SLC28A2: variants seen among roughly 807,000 people sequenced by gnomAD.
SLC28A2 encodes solute carrier family 28 member 2.
In SLC28A2, 69 loss-of-function variants were observed where a neutral mutation model predicts 72.9. The observed-to-expected ratio is 0.95, with a 90% CI of 0.78 to 1.16. SLC28A2 has a LOEUF of 1.16. SLC28A2 is among the 50% of genes most tolerant of loss of function. SLC28A2 has a pLI of 0.00. For missense variants in SLC28A2, 745 were observed against 791.1 expected, an observed-to-expected ratio of 0.94 and a Z score of 0.70; for synonymous variants, 296 against 294.1, an observed-to-expected ratio of 1.01 and a Z score of -0.07.
At chr15:45,272,184 C>G (rs1660475831) in intron 15 of SLC28A2, 111 bp from the exon 16 acceptor site, 1 of 782,648 alleles carries the variant, frequency 1.3e-6, no homozygotes, top group Admixed American at 2.2e-5. Context: ...TAAGGATGCT[C>G]TTCATCGGCT....
intron 4 of SLC28A2, among the ~76,000 whole-genome samples, 188 bp from the exon 5 acceptor site, chr15:45,262,872 CT>C (rs1464908154): frequency 1.3e-5 from 2 of 152,166 alleles, no homozygotes; most frequent in African/African-American, 4.8e-5. Context: ...CTTGGGGATC[CT>C]CAAGAAGAGG....
chr15:45,273,766 G>A (rs1327638774), intron 17 of SLC28A2, among the ~76,000 whole-genome samples: 1 of 152,160 alleles, frequency 6.6e-6, no homozygotes, highest in Non-Finnish European at 1.5e-5. Flanking sequence ...GAATCAATAG[G>A]ATTGATCATT....
At chr15:45,268,589 T>C (rs113651161) in intron 13 of SLC28A2, among the ~76,000 whole-genome samples, 13,789 of 152,076 alleles carry the variant, frequency 0.091, 2,003 homozygotes, top group African/African-American at 0.31. Flanking sequence ...CTAGTTCAAC[T>C]ATTGTGGAAG....
chr15:45,272,992 T>C (rs1900633795), intron 17 of SLC28A2, among the ~76,000 whole-genome samples: 2 of 152,118 alleles, frequency 1.3e-5, no homozygotes, highest in South Asian at 2.1e-4. Context: ...TACTGAGAAG[T>C]AGAGCAGCAA....
At position 45,264,702 on chromosome 15, in the gene SLC28A2, T is replaced by C. The variant is rs1313173755; in HGVS notation, c.636T>C (p.Phe212=). The C allele has an allele frequency of 1.2e-6, 2 of 1,613,932 alleles. No homozygotes were observed. Among genetic ancestry groups the C allele is most frequent in the Non-Finnish European group, 8.5e-7 (1 of 1,179,896 alleles). ...VFSGLGLQFV[F]GILVIRTDLG... Reference sequence around the variant, plus strand: ...CGGGCCTAGGTCTTCAATTTGTCTTTGGGATCTTGGTCATCAGAACTGATC... The same window carrying C: ...CGGGCCTAGGTCTTCAATTTGTCTTCGGGATCTTGGTCATCAGAACTGATC... Residue 212 remains phenylalanine, a synonymous_variant, in exon 7 of 18, where the codon TTT becomes TTC. Transcript: ENST00000347644.
Position 45,253,285 on chromosome 15 carries a change from C to T in SLC28A2, c.70C>T (p.Leu24=). The T allele has an allele frequency of 6.2e-7, 1 of 1,612,370 alleles. No homozygotes were observed. The highest frequency in any genetic ancestry group is 8.5e-7 in the Non-Finnish European group (1 of 1,178,404). ...TVETGTVNPG[L]ELMEKEVEPE... ...GGAGACTGGCACAGTGAACCCGGGG[C>T]TGGAGCTCATGGTAATCACCAGTTT... Residue 24 remains leucine, a synonymous_variant, in exon 2 of 18, where the codon CTG becomes TTG. Transcript: ENST00000347644.
At position 45,263,111 on chromosome 15, in the gene SLC28A2, C is replaced by T; in HGVS notation, c.313C>T (p.Leu105=). The T allele has an allele frequency of 5.6e-6, 9 of 1,614,018 alleles. No homozygotes were observed. The highest frequency in any genetic ancestry group is 7.6e-6 in the Non-Finnish European group (9 of 1,179,926). ...AACILNFQRA[L]ALFVITCLVI... ...TTGCATCTTGAATTTCCAGAGGGCA[C>T]TGGCCTTGTTTGTCATCACCTGCTT... Residue 105 remains leucine (L), a synonymous_variant, in exon 5 of 18, where the codon CTG becomes TTG. Transcript: ENST00000347644.
At position 45,268,312 on chromosome 15, in the gene SLC28A2, G is replaced by A. The variant is rs776700063; in HGVS notation, c.1302G>A (p.Leu434=). Residue 434 remains leucine (L), a synonymous_variant, in exon 13 of 18, where the codon TTG becomes TTA. Coordinates refer to ENST00000347644, the MANE Select transcript of SLC28A2 (RefSeq NM_004212.4). ...ACCTGATTGCCTTTTTGGCTGTGTT[G>A]GCCTTCATCAATGCTGCCCTCTCCT... ...AANLIAFLAV[L]AFINAALSWL... The A allele has an allele frequency of 1.2e-6, 2 of 1,612,312 alleles. No individual in the cohort carries two copies. The highest frequency in any genetic ancestry group is 1.7e-5 in the Admixed American group (1 of 59,994).
intron 3 of SLC28A2, 144 bp downstream of exon 3, chr15:45,253,664 CAT>C (rs1899882552): frequency 3.6e-6 from 2 of 563,208 alleles, no homozygotes; most frequent in Non-Finnish European, 6.5e-6. Context: ...TTAACTTAAA[CAT>C]GTGCCATAAA....
In SLC28A2 at chr15:45,267,811, G is replaced by A. The variant is rs747325278; in HGVS notation, c.1199+15G>A. ...CTGCCCCGTGGGTGAGTCCAAGGAG[G>A]CATATACTTTGGGAGATGGTGAGCT... On this transcript the variant is annotated intron_variant, in intron 12 of 17. Transcript: ENST00000347644. 3.1e-6 allele frequency: 5 copies of A among 1,613,652 alleles called. No individual in the cohort carries two copies. In the South Asian group the frequency reaches 4.4e-5, roughly 14 times the overall value.
chr15:45,276,843 C>T lies in SLC28A2; in HGVS notation c.*1330C>T, dbSNP rs527622569. 2 of 152,260 alleles carry T rather than the reference C, an allele frequency of 1.3e-5. No individual in the cohort carries two copies. The highest frequency in any genetic ancestry group is 2.9e-5 in the Non-Finnish European group (2 of 68,014). 9.4% of individuals were successfully genotyped at this position (152,260 alleles called of 1,614,324 possible). ...AACATTACACAGTAAACAAAAAATA[C>T]TTCCTGTATACTAAGGAAGACTTCT... On this transcript the variant is annotated 3_prime_UTR_variant, in exon 18 of 18. Transcript: ENST00000347644.
intron 3 of SLC28A2, among the ~76,000 whole-genome samples, chr15:45,258,572 A>G (rs1428518482): frequency 6.6e-6 from 1 of 152,200 alleles, no homozygotes; most frequent in Non-Finnish European, 1.5e-5. Flanking sequence ...TTATATGGGA[A>G]GTCTAATTTA....
chr15:45,257,755 T>A (rs1053497534), intron 3 of SLC28A2, among the ~76,000 whole-genome samples: 1 of 152,190 alleles, frequency 6.6e-6, no homozygotes, highest in Non-Finnish European at 1.5e-5. Context: ...AAATTGTGAG[T>A]TCTTTCTCTA....
Position 45,272,298 on chromosome 15 carries a change from C to T in SLC28A2, c.1652C>T (p.Ser551Leu). 1 of 1,613,324 alleles carries T rather than the reference C, an allele frequency of 6.2e-7. No homozygotes were observed. The highest frequency in any genetic ancestry group is 8.5e-7 in the Non-Finnish European group (1 of 1,179,832). Reference sequence around the variant, plus strand: ...TATTTTATTTTATTGTCTGCAGCATCAATAGTACCTCACCGGAAGAGTGAC... The same window carrying T: ...TATTTTATTTTATTGTCTGCAGCATTAATAGTACCTCACCGGAAGAGTGAC... ...SIGITLGGLTSIVPHRKSDLS... is the reference protein window; with the variant it reads ...SIGITLGGLTLIVPHRKSDLS... Residue 551 changes from serine to leucine, a missense_variant, in exon 16 of 18, where the codon TCA becomes TTA. Transcript: ENST00000347644.
At chr15:45,265,067 CT>C in intron 7 of SLC28A2, 21 bp from the exon 8 acceptor site, 1 of 1,576,456 alleles carries the variant, frequency 6.3e-7, no homozygotes, top group Non-Finnish European at 8.7e-7. Context: ...TATTCTCTGT[CT>C]TTTTCTTTTT....
Position 45,267,522 on chromosome 15 carries a change from T to C in SLC28A2, c.1010T>C (p.Met337Thr). 6.2e-7 allele frequency: 1 copy of C among 1,614,198 alleles called. No individual in the cohort carries two copies. The highest frequency in any genetic ancestry group is 1.1e-5 in the South Asian group (1 of 91,084). Residue 337 changes from methionine (M) to threonine (T), a missense_variant, in exon 11 of 18, where the codon ATG (methionine) becomes ACG (threonine). By Grantham distance (81) the Met-to-Thr change is moderately conservative (BLOSUM62 -1). Coordinates refer to ENST00000347644, the MANE Select transcript of SLC28A2 (RefSeq NM_004212.4). ...ACACTCTCTGAAATCCATGCGGTGA[T>C]GACTGGAGGGTTTGCCACCATTTCT... is the stretch of plus-strand genomic sequence containing the variant. ...DMTLSEIHAVMTGGFATISGT... is the reference protein window; with the variant it reads ...DMTLSEIHAVTTGGFATISGT...
At chr15:45,264,074 G>A (rs564449155) in intron 6 of SLC28A2, 52 bp downstream of exon 6, 3 of 1,540,336 alleles carry the variant, frequency 1.9e-6, no homozygotes, top group East Asian at 2.3e-5. Flanking sequence ...CAAGGGCCAA[G>A]TGCTAATCAT....
chr15:45,263,202 T>C lies in SLC28A2; in HGVS notation c.404T>C (p.Leu135Pro), dbSNP rs763769389. 2.5e-6 allele frequency: 4 copies of C among 1,614,050 alleles called. No individual in the cohort carries two copies. In the Admixed American group the frequency reaches 6.7e-5, roughly 27 times the overall value. Residue 135 changes from leucine to proline, a missense_variant, in exon 5 of 18, where the codon CTG becomes CCG. Transcript: ENST00000347644. ...KLLGKKLTRC[L>P]KPFENSRLRL... ...CTGGGCAAAAAATTAACAAGATGTC[T>C]GAAGCCCTTTGAAAACTCCCGCCTG...
At chr15:45,265,947 T>G in intron 9 of SLC28A2, 134 bp from the exon 10 acceptor site, 1 of 700,546 alleles carries the variant, frequency 1.4e-6, no homozygotes, top group Non-Finnish European at 2.4e-6. Context: ...AAGTTGGTTT[T>G]TGGCCCTAGG....
Sources: allele counts gnomAD v4.1 joint callset (sites outside exome capture counted in the v4.1 genomes callset), GRCh38; gene constraint gnomAD v4.1.1; transcripts MANE v1.5; gene names NCBI Gene and HGNC (gene_info 2026-07-23, HGNC 2026-07-21).